The following OPCML variants were observed in gnomAD, a reference collection of about 807,000 sequenced individuals.
OPCML encodes the protein opioid-binding protein/cell adhesion molecule.
Under a neutral mutation model 37.8 loss-of-function variants are expected in OPCML, and 13 were observed. The observed-to-expected ratio is 0.34, with a 90% CI of 0.22 to 0.55. The LOEUF is 0.55. Ranked by LOEUF, OPCML falls within the 20% of genes least tolerant of loss-of-function variation. OPCML has a pLI of 0.91. For synonymous variants in OPCML, 176 were observed against 168.8 expected (o/e 1.04, Z -0.33); for missense variants, 341 against 435.6 (o/e 0.78, Z 1.93).
At chr11:133,140,525 T>TAAGAAGAAGAAGAGGAAG (rs1306668854) in intron 1 of OPCML, among the ~76,000 whole-genome samples, 1 of 57,042 alleles carries the variant, frequency 1.8e-5, no homozygotes, top group Non-Finnish European at 3.9e-5. Context: ...ATAATAATAA[T>TAAGAAGAAGAAGAGGAAG]AATAATAAGA....
intron 1 of OPCML, among the ~76,000 whole-genome samples, chr11:133,037,725 G>C (rs1053746308): frequency 6.6e-6 from 1 of 152,174 alleles, no homozygotes; most frequent in African/African-American, 2.4e-5. Context: ...CAAGGTCACT[G>C]TTACCTTGCA....
At chr11:133,287,527 T>G (rs1942336452) in intron 1 of OPCML, among the ~76,000 whole-genome samples, 1 of 135,474 alleles carries the variant, frequency 7.4e-6, no homozygotes, top group African/African-American at 2.9e-5. Flanking sequence ...ATTTCTTTCA[T>G]GGGAATGTTC....
intron 2 of OPCML, among the ~76,000 whole-genome samples, chr11:132,797,221 G>A (rs1938378478): frequency 6.6e-6 from 1 of 152,116 alleles, no homozygotes; most frequent in African/African-American, 2.4e-5. Context: ...TTTCTTATAG[G>A]AATTTTATAA....
intron 2 of OPCML, among the ~76,000 whole-genome samples, chr11:132,905,660 C>A (rs573719559): frequency 3.9e-4 from 60 of 152,124 alleles, no homozygotes; most frequent in African/African-American, 1.4e-3. Context: ...AGACCAATTT[C>A]ACTTTAGGAA....
chr11:133,196,816 A>G (rs1257236917), intron 1 of OPCML, among the ~76,000 whole-genome samples: 1 of 152,204 alleles, frequency 6.6e-6, no homozygotes, highest in African/African-American at 2.4e-5. Flanking sequence ...AGCCTCTGAA[A>G]TACTAAAGAG....
intron 1 of OPCML, among the ~76,000 whole-genome samples, chr11:133,019,275 T>C (rs1947404463): frequency 6.6e-6 from 1 of 152,186 alleles, no homozygotes; most frequent in Admixed American, 6.5e-5. Flanking sequence ...GAAGTTCTTG[T>C]GTCCTTCAGG....
At chr11:132,759,050 T>C (rs1362455451) in intron 2 of OPCML, among the ~76,000 whole-genome samples, 4 of 152,208 alleles carry the variant, frequency 2.6e-5, no homozygotes, top group Admixed American at 2.6e-4. Context: ...CTGCATCTAT[T>C]GAAATAATCA....
chr11:133,332,521 G>T (rs182716250), intron 1 of OPCML, among the ~76,000 whole-genome samples: 9 of 152,102 alleles, frequency 5.9e-5, no homozygotes. Flanking sequence ...GTCTTGTAAT[G>T]GTTTTCAAGG....
At position 132,619,851 on chromosome 11, in the gene OPCML, C is replaced by CAAA. The variant is rs34927802; in HGVS notation, c.379+37233_379+37235dup. Among the ~76,000 whole-genome samples the CAAA allele has an allele frequency of 1.2e-3, 130 of 112,808 alleles. 2 individuals are homozygous for CAAA. Among genetic ancestry groups the CAAA allele is most frequent in the South Asian group, 6.0e-3 (19 of 3,168 alleles). The allele number at this position is 112,808 out of a possible 152,430, so 74.0% of individuals were successfully genotyped here. On this transcript the variant is annotated intron_variant, in intron 3 of 7. Coordinates refer to ENST00000524381, the MANE Select transcript of OPCML (RefSeq NM_001012393.5). ...TGGGTGACAGAGCCAGACTCCATGT[C>CAAA]AAAAAAAAAAAAAAAAAATTGGCCT...
intron 2 of OPCML, among the ~76,000 whole-genome samples, chr11:132,809,879 C>T (rs1249990681): frequency 6.6e-6 from 1 of 152,058 alleles, no homozygotes; most frequent in Non-Finnish European, 1.5e-5. Context: ...GAGACGGTAT[C>T]TTGCTCTGTC....
chr11:132,552,669 A>G (rs1454381570), intron 3 of OPCML, among the ~76,000 whole-genome samples: 1 of 151,870 alleles, frequency 6.6e-6, no homozygotes, highest in African/African-American at 2.4e-5. Flanking sequence ...TCCACTTAGG[A>G]AACTCCTATT....
chr11:132,472,168 A>G (rs2096140043), intron 4 of OPCML, among the ~76,000 whole-genome samples: 1 of 152,174 alleles, frequency 6.6e-6, no homozygotes, highest in Non-Finnish European at 1.5e-5. Flanking sequence ...CTTTTTAAAT[A>G]CTTCTCTGCA....
At chr11:133,286,470 C>CAAAA (rs60645863) in intron 1 of OPCML, among the ~76,000 whole-genome samples, 106 of 50,964 alleles carry the variant, frequency 2.1e-3, no homozygotes, top group African/African-American at 4.1e-3. Flanking sequence ...CTGTGTCTCA[C>CAAAA]AAAAAAAAAA....
At chr11:132,615,552 G>A (rs988439030) in intron 3 of OPCML, among the ~76,000 whole-genome samples, 2 of 151,978 alleles carry the variant, frequency 1.3e-5, no homozygotes, top group Admixed American at 6.6e-5. Flanking sequence ...TAAAACTACA[G>A]CATAACAACT....
intron 4 of OPCML, among the ~76,000 whole-genome samples, chr11:132,477,430 A>G (rs2096160663): frequency 6.6e-6 from 1 of 152,212 alleles, no homozygotes; most frequent in Non-Finnish European, 1.5e-5. Flanking sequence ...GAAAGAGGGA[A>G]GAGGTTATCA....
chr11:132,742,780 G>T (rs1251053904), intron 2 of OPCML, among the ~76,000 whole-genome samples: 1 of 148,236 alleles, frequency 6.7e-6, no homozygotes, highest in East Asian at 1.9e-4. Flanking sequence ...TAATGTACAA[G>T]TATTATATAT....
At chr11:132,825,064 T>A (rs185014294) in intron 2 of OPCML, among the ~76,000 whole-genome samples, 11 of 152,334 alleles carry the variant, frequency 7.2e-5, no homozygotes, top group Admixed American at 6.5e-4. Context: ...CCACCCTTCA[T>A]CATGATTTCA....
At chr11:133,185,549 C>G (rs1328826640) in intron 1 of OPCML, among the ~76,000 whole-genome samples, 1 of 152,104 alleles carries the variant, frequency 6.6e-6, no homozygotes, top group East Asian at 1.9e-4. Context: ...TTAGAGAACA[C>G]TTGAGCATAG....
intron 2 of OPCML, among the ~76,000 whole-genome samples, chr11:132,702,834 A>G (rs1943882178): frequency 6.6e-6 from 1 of 151,856 alleles, no homozygotes; most frequent in African/African-American, 2.4e-5. Context: ...GTCTACTGTC[A>G]ATGCTTTATA....
Sources: gnomAD v4.1 joint callset for allele counts (sites outside exome capture counted in the v4.1 genomes callset) on GRCh38, gnomAD v4.1.1 for gene constraint, MANE v1.5 for transcripts, NCBI Gene and HGNC (gene_info 2026-07-23, HGNC 2026-07-21) for gene names.